FRMPD4: variants seen among roughly 807,000 people sequenced by gnomAD.
FRMPD4 encodes FERM and PDZ domain-containing protein 4.
Under a neutral mutation model 94.1 loss-of-function variants are expected in FRMPD4, and 22 were observed. That is an observed-to-expected ratio of 0.23 (90% CI 0.17 to 0.33). The LOEUF (loss-of-function observed/expected upper bound fraction) is 0.33. Ranked by LOEUF, FRMPD4 falls within the 10% of genes least tolerant of loss-of-function variation. FRMPD4 has a pLI of 1.00. For missense variants in FRMPD4, 1,111 were observed against 1,339.9 expected, an observed-to-expected ratio of 0.83 and a Z score of 2.67; for synonymous variants, 631 against 548.6, an observed-to-expected ratio of 1.15 and a Z score of -2.10.
intron 2 of FRMPD4, among the ~76,000 whole-genome samples, chrX:12,534,759 A>T (rs1193625290): frequency 8.9e-6 from 1 of 112,519 alleles, no homozygotes; most frequent in Non-Finnish European, 1.9e-5. Flanking sequence ...CTGTACTCCC[A>T]CTGTACCTAG....
At chrX:12,052,659 G>A (rs1290899091) in intron 3 of FRMPD4, among the ~76,000 whole-genome samples, 1 of 111,328 alleles carries the variant, frequency 9.0e-6, no homozygotes, top group Non-Finnish European at 1.9e-5. Context: ...TTATCCCCAC[G>A]GCCATTCAGT....
intron 3 of FRMPD4, among the ~76,000 whole-genome samples, chrX:12,060,757 C>T (rs757939648): frequency 9.0e-6 from 1 of 111,448 alleles, no homozygotes; most frequent in South Asian, 3.8e-4. Context: ...GTAGTCACTA[C>T]TCTCCTACAT....
chrX:12,041,684 T>C (rs970211597), intron 3 of FRMPD4, among the ~76,000 whole-genome samples: 5 of 111,000 alleles, frequency 4.5e-5, no homozygotes, highest in African/African-American at 1.6e-4. Flanking sequence ...GATCTATAAA[T>C]TAAGGTTTTT....
At chrX:11,880,630 G>A (rs1404801460) in intron 3 of FRMPD4, among the ~76,000 whole-genome samples, 2 of 111,153 alleles carry the variant, frequency 1.8e-5, no homozygotes, top group East Asian at 5.6e-4. Flanking sequence ...AGTGAAAATT[G>A]AATTCACTTA....
chrX:12,300,586 G>A (rs1479968577), intron 1 of FRMPD4, among the ~76,000 whole-genome samples: 1 of 112,514 alleles, frequency 8.9e-6, no homozygotes, highest in African/African-American at 3.2e-5. Context: ...ACTCTGTGGT[G>A]TTCCATATTA....
chrX:12,196,888 A>C (rs1403490565), intron 1 of FRMPD4, among the ~76,000 whole-genome samples: 1 of 81,606 alleles, frequency 1.2e-5, no homozygotes, highest in Non-Finnish European at 2.4e-5. Flanking sequence ...GAATGTGAAT[A>C]TATAAGAAAC....
rs1463824427 is a variant in FRMPD4, at chrX:12,473,293, C to T, written c.42-25387C>T. On this transcript the variant is annotated intron_variant, in intron 1 of 16. Transcript: ENST00000675598. ...TTGTCACCACCAGCCCTGCCCTGCCCTACAAGAGCTCCTGAAGGAAGCACT... is the reference window on the plus strand; with the variant it reads ...TTGTCACCACCAGCCCTGCCCTGCCTTACAAGAGCTCCTGAAGGAAGCACT... Among the ~76,000 whole-genome samples the T allele has an allele frequency of 1.8e-5, 2 of 109,810 alleles. 1 individual carries two copies. Among genetic ancestry groups the T allele is most frequent in the African/African-American group, 6.9e-5 (2 of 28,906 alleles).
At chrX:12,675,016 T>C (rs764758649) in intron 5 of FRMPD4, 108 bp downstream of exon 5, 1 of 588,207 alleles carries the variant, frequency 1.7e-6, no homozygotes, top group South Asian at 2.5e-5. Flanking sequence ...AAAAATAACA[T>C]GCACTCACAA....
intron 3 of FRMPD4, among the ~76,000 whole-genome samples, chrX:11,958,606 A>G (rs1402677149): frequency 8.9e-6 from 1 of 112,002 alleles, no homozygotes; most frequent in Non-Finnish European, 1.9e-5. Context: ...TTAGTTTCAC[A>G]TTACAGACAT....
chrX:12,562,508 T>G (rs1194289874), intron 2 of FRMPD4, among the ~76,000 whole-genome samples: 1 of 112,617 alleles, frequency 8.9e-6, no homozygotes, highest in Non-Finnish European at 1.9e-5. Flanking sequence ...AGGAACTCAG[T>G]GTGAAGTAAT....
chrX:12,001,430 T>C (rs1431095353), intron 3 of FRMPD4, among the ~76,000 whole-genome samples: 1 of 112,092 alleles, frequency 8.9e-6, no homozygotes, highest in Non-Finnish European at 1.9e-5. Context: ...TGATTTGTGA[T>C]AGATAGTTTA....
At position 12,614,807 on chromosome X, in the gene FRMPD4, G is replaced by A. The variant is rs763718836; in HGVS notation, c.348G>A (p.Pro116=). The change falls in exon 4 of 17, where the codon CCG becomes CCA. Residue 116 remains proline (P), a synonymous_variant. Transcript: ENST00000675598. ...GCCCCTCTGAAGGCAAGCTGATCCC[G>A]GGAGATCAGATTGTAATGATTAATG... The part of the protein sequence containing the change: ...PGGPSEGKLI[P]GDQIVMINDE... The A allele has an allele frequency of 2.8e-5, 33 of 1,183,516 alleles. No homozygotes were observed. The highest frequency in any genetic ancestry group is 2.4e-4 in the East Asian group (8 of 33,498).
intron 3 of FRMPD4, among the ~76,000 whole-genome samples, chrX:11,984,896 T>C (rs1445135025): frequency 8.0e-5 from 9 of 112,444 alleles, no homozygotes; most frequent in African/African-American, 2.9e-4. Flanking sequence ...TAGACATTTC[T>C]TCAAGGAAGA....
intron 14 of FRMPD4, 56 bp from the exon 15 acceptor site, chrX:12,716,013 C>CCCCCCCACAA: frequency 5.5e-6 from 2 of 365,421 alleles, no homozygotes; most frequent in Non-Finnish European, 9.6e-6. Context: ...CCACCCCCGC[C>CCCCCCCACAA]CCACCCAAAA....
At chrX:12,401,429 T>C (rs1180588803) in intron 1 of FRMPD4, among the ~76,000 whole-genome samples, 1 of 110,840 alleles carries the variant, frequency 9.0e-6, no homozygotes, top group African/African-American at 3.3e-5. Context: ...CTTGGAAGGT[T>C]GAGTGAGGAC....
intron 3 of FRMPD4, among the ~76,000 whole-genome samples, chrX:12,116,306 C>T (rs2055408296): frequency 2.7e-5 from 3 of 112,150 alleles, no homozygotes; most frequent in African/African-American, 9.7e-5. Flanking sequence ...GGCTTGCCAG[C>T]CCTCACTGAT....
chrX:12,418,586 C>T (rs62590565), intron 1 of FRMPD4, among the ~76,000 whole-genome samples: 13,046 of 109,204 alleles, frequency 0.12, 881 homozygotes, highest in Non-Finnish European at 0.18. Flanking sequence ...TCTCGAACTC[C>T]CGACCTCGTG....
chrX:12,067,326 T>C (rs1210302924), intron 3 of FRMPD4, among the ~76,000 whole-genome samples: 1 of 111,754 alleles, frequency 8.9e-6, no homozygotes, highest in South Asian at 3.7e-4. Flanking sequence ...GAAATTCCTA[T>C]GGCCAGCAGG....
intron 2 of FRMPD4, among the ~76,000 whole-genome samples, chrX:12,502,631 A>G (rs1236938765): frequency 1.8e-5 from 2 of 112,296 alleles, no homozygotes; most frequent in Non-Finnish European, 3.8e-5. Flanking sequence ...TAGATATATT[A>G]TAGATCCAAT....
Sources: gnomAD v4.1 joint callset for allele counts (sites outside exome capture counted in the v4.1 genomes callset) on GRCh38, gnomAD v4.1.1 for gene constraint, MANE v1.5 for transcripts, NCBI Gene and HGNC (gene_info 2026-07-23, HGNC 2026-07-21) for gene names.